MIP: variants seen among roughly 807,000 people sequenced by gnomAD.
MIP encodes lens fiber major intrinsic protein.
A neutral mutation model predicts 21.8 loss-of-function variants in MIP; 14 were observed. The ratio of observed to expected loss-of-function variants is 0.64; its 90% confidence interval spans 0.42 to 1.00. The LOEUF (loss-of-function observed/expected upper bound fraction) is 1.00. Ranked by LOEUF, MIP falls within the 50% of genes least tolerant of loss-of-function variation. MIP has a pLI of 0.00. For missense variants in MIP, 260 were observed against 333.5 expected (o/e 0.78, Z 1.72); for synonymous variants, 133 against 141.4 (o/e 0.94, Z 0.42).
At position 56,453,712 on chromosome 12, in the gene MIP, A is replaced by T; in HGVS notation, c.404T>A (p.Ile135Asn). Residue 135 changes from isoleucine to asparagine, a missense_variant, in exon 2 of 4, where the codon ATC (isoleucine) becomes AAC (asparagine). Coordinates refer to ENST00000652304, the MANE Select transcript of MIP (RefSeq NM_012064.4). Reference sequence around the variant, plus strand: ...GAGCACGAACTGGAGCGTCAGGAAGATCTCCACTGTGGTTGCCTGGCCCAC... The same window carrying T: ...GAGCACGAACTGGAGCGTCAGGAAGTTCTCCACTGTGGTTGCCTGGCCCAC... ...VSVGQATTVE[I>N]FLTLQFVLCI... 1 of 1,614,154 alleles carries T rather than the reference A, an allele frequency of 6.2e-7. No individual in the cohort carries two copies.
chr12:56,455,645 G>A (rs1337493593), upstream of MIP, among the ~76,000 whole-genome samples: 1 of 152,144 alleles, frequency 6.6e-6, no homozygotes, highest in Non-Finnish European at 1.5e-5. Flanking sequence ...GGATAATATG[G>A]GGAAGGAAAG....
upstream of MIP, among the ~76,000 whole-genome samples, chr12:56,455,875 C>T (rs1344041623): frequency 6.6e-6 from 1 of 152,148 alleles, no homozygotes; most frequent in Non-Finnish European, 1.5e-5. Context: ...ATGGGTCCTA[C>T]CCAGTACACC....
intron 3 of MIP, chr12:56,452,864 G>T (rs1458727821): frequency 2.9e-5 from 18 of 612,806 alleles, no homozygotes; most frequent in Non-Finnish European, 4.7e-5. Context: ...ACTAACCAGA[G>T]AAGGAAAAAT....
chr12:56,456,143 G>GC (rs1868784190), upstream of MIP, among the ~76,000 whole-genome samples: 1 of 152,082 alleles, frequency 6.6e-6, no homozygotes, highest in East Asian at 1.9e-4. Context: ...CTGACTTAAG[G>GC]CCCTGTAACC....
chr12:56,453,194 AC>A (rs1565694250), intron 2 of MIP, 42 bp from the exon 3 acceptor site: 3 of 1,406,844 alleles, frequency 2.1e-6, no homozygotes, highest in Admixed American at 3.4e-5. Context: ...CCCCTACTGC[AC>A]CCCAGCTTCT....
chr12:56,454,720 G>A (rs1868743140), upstream of MIP: 2 of 1,423,968 alleles, frequency 1.4e-6, no homozygotes, highest in South Asian at 2.5e-5. Flanking sequence ...GGGGCAGGCT[G>A]AGGTAGCAGG....
chr12:56,451,202 C>G lies in MIP; in HGVS notation c.*78G>C. ...AAGTACATGACCCTCCCCACAGTCT[C>G]TTTCTTCATCTAGGGGCTGGCTAAA... On this transcript the variant is annotated 3_prime_UTR_variant, in exon 4 of 4. Coordinates refer to ENST00000652304, the MANE Select transcript of MIP (RefSeq NM_012064.4). 1 of 1,307,436 alleles carries G rather than the reference C, an allele frequency of 7.6e-7. No homozygotes were observed. Among genetic ancestry groups the G allele is most frequent in the African/African-American group, 1.5e-5 (1 of 68,566 alleles). 81.0% of individuals were successfully genotyped at this position (1,307,436 alleles called of 1,614,324 possible). A position where few individuals can be genotyped will look rare whatever the true frequency, so the allele number is the denominator to read the frequency against.
chr12:56,456,483 G>A (rs949721966), upstream of MIP, among the ~76,000 whole-genome samples: 9 of 151,854 alleles, frequency 5.9e-5, no homozygotes, highest in Non-Finnish European at 1.2e-4. Flanking sequence ...CTAAAAATAC[G>A]AAAAATTAGC....
In MIP at chr12:56,453,638, C is replaced by T. The variant is rs1181032881; in HGVS notation, c.478G>A (p.Val160Met). The T allele has an allele frequency of 6.8e-6, 11 of 1,614,116 alleles. No homozygotes were observed. The highest frequency in any genetic ancestry group is 6.7e-5 in the African/African-American group (5 of 74,950). ...AGGGAGAAGCCAACGGCCAGGGCCA[C>T]GGAGCCCAGTTGGCCATTCCGCCTC... ...DERRNGQLGS[V>M]ALAVGFSLAL... The change falls in exon 2 of 4, where the codon GTG becomes ATG. Residue 160 changes from valine (V) to methionine (M), a missense_variant. Transcript: ENST00000652304.
At chr12:56,453,174 C>A in intron 2 of MIP, 22 bp from the exon 3 acceptor site, 1 of 1,545,274 alleles carries the variant, frequency 6.5e-7, no homozygotes, top group Non-Finnish European at 9.0e-7. Context: ...ACAGTTGTAA[C>A]TGAGACACCC....
At chr12:56,455,930 C>T (rs1004665562), upstream of MIP, among the ~76,000 whole-genome samples, 2 of 152,126 alleles carry the variant, frequency 1.3e-5, no homozygotes, top group African/African-American at 4.8e-5. Flanking sequence ...GTGCTTTCTC[C>T]TCATAATACC....
chr12:56,451,583 C>T (rs549027654), intron 3 of MIP, 118 bp from the exon 4 acceptor site: 3 of 778,608 alleles, frequency 3.9e-6, no homozygotes, highest in Non-Finnish European at 6.5e-6. Context: ...CTACAATAAA[C>T]TCACCATTTA....
chr12:56,451,793 T>C (rs1485224208), intron 3 of MIP, among the ~76,000 whole-genome samples: 2 of 152,146 alleles, frequency 1.3e-5, no homozygotes, highest in East Asian at 1.9e-4. Context: ...TTTGGGAGGC[T>C]GAGACGGGCG....
At position 56,453,083 on chromosome 12, in the gene MIP, T is replaced by C. The variant is rs1338583821; in HGVS notation, c.595A>G (p.Thr199Ala). 1.2e-6 allele frequency: 2 copies of C among 1,611,206 alleles called. No homozygotes were observed. The highest frequency in any genetic ancestry group is 8.5e-7 in the Non-Finnish European group (1 of 1,177,438). ...FAPAILTGNF[T>A]NHWVYWVGPI... ...CTCCCTTCACTCACCCAGTGGTTAGTGAAGTTCCCAGTGAGAATGGCAGGA... is the reference window on the plus strand; with the variant it reads ...CTCCCTTCACTCACCCAGTGGTTAGCGAAGTTCCCAGTGAGAATGGCAGGA... The change falls in exon 3 of 4, where the codon ACT becomes GCT. Residue 199 changes from threonine to alanine, a missense_variant. Thr to Ala is a moderately conservative substitution (Grantham distance 58, BLOSUM62 0). Coordinates refer to ENST00000652304, the MANE Select transcript of MIP (RefSeq NM_012064.4).
rs1178342891 is a variant in MIP, at chr12:56,454,653, C to A, written c.-40G>T. ...TCACAGTGCCTGGGTCCCTGCTACCCCCATGGCCTTGTCTGGGTGGACAGT... is the reference window on the plus strand; with the variant it reads ...TCACAGTGCCTGGGTCCCTGCTACCACCATGGCCTTGTCTGGGTGGACAGT... On this transcript the variant is annotated 5_prime_UTR_variant, in exon 1 of 4. Coordinates refer to ENST00000652304, the MANE Select transcript of MIP (RefSeq NM_012064.4). 6.2e-7 allele frequency: 1 copy of A among 1,612,212 alleles called. No individual in the cohort carries two copies. Among genetic ancestry groups the A allele is most frequent in the Non-Finnish European group, 8.5e-7 (1 of 1,179,700 alleles).
rs1422240655 is a variant in MIP at position 56,449,827 on chromosome 12, A to AAC, written c.*1451_*1452dup. 1 of 152,214 alleles carries AAC rather than the reference A, an allele frequency of 6.6e-6. No homozygotes were observed. The highest frequency in any genetic ancestry group is 1.5e-5 in the Non-Finnish European group (1 of 68,046). 9.4% of individuals were successfully genotyped at this position (152,214 alleles called of 1,614,324 possible). A position where few individuals can be genotyped will look rare whatever the true frequency, so the allele number is the denominator to read the frequency against. ...AGAAAGCAACCGTAAATATTCATTGAACAGTTGAGGGTCTCTTCTGGCCTC... is the reference window on the plus strand; with the variant it reads ...AGAAAGCAACCGTAAATATTCATTGAACACAGTTGAGGGTCTCTTCTGGCCTC... On this transcript the variant is annotated 3_prime_UTR_variant, in exon 4 of 4. Transcript: ENST00000652304.
In MIP at chr12:56,451,360, T is replaced by G; in HGVS notation, c.712A>C (p.Lys238Gln). 6.2e-7 allele frequency: 1 copy of G among 1,614,040 alleles called. No homozygotes were observed. Among genetic ancestry groups the G allele is most frequent in the Non-Finnish European group, 8.5e-7 (1 of 1,180,018 alleles). Residue 238 changes from lysine to glutamine, a missense_variant, in exon 4 of 4, where the codon AAG (lysine) becomes CAG (glutamine). Coordinates refer to ENST00000652304, the MANE Select transcript of MIP (RefSeq NM_012064.4). ...KSISERLSVL[K>Q]GAKPDVSNGQ... ...TTGGAGACATCGGGTTTGGCACCCT[T>G]GAGGACAGACAGTCTCTCAGAAATA... is the stretch of plus-strand genomic sequence containing the variant.
rs267603585 is a variant in MIP, at chr12:56,453,119, G to A, written c.559C>T (p.Arg187Cys). Residue 187 changes from arginine (R) to cysteine (C), a missense_variant, in exon 3 of 4, where the codon CGC becomes TGC. Coordinates refer to ENST00000652304, the MANE Select transcript of MIP (RefSeq NM_012064.4). ...GTGAGAATGGCAGGAGCAAAGGAGC[G>A]GGCAGGATTCATGCCTGCACCAGTA... Reference protein sequence around the residue: ...YYTGAGMNPARSFAPAILTGN... With the variant: ...YYTGAGMNPACSFAPAILTGN... 3 of 1,613,528 alleles carry A rather than the reference G, an allele frequency of 1.9e-6. No individual in the cohort carries two copies. The highest frequency in any genetic ancestry group is 1.3e-5 in the African/African-American group (1 of 74,900).
rs1281267835 is a variant in MIP at position 56,449,731 on chromosome 12, A to G, written c.*1549T>C. ...GTACAGGGAGGAATGGTCTTCTGGGATAGGGGATGTCCGTTGTATTATAGG... is the reference window on the plus strand; with the variant it reads ...GTACAGGGAGGAATGGTCTTCTGGGGTAGGGGATGTCCGTTGTATTATAGG... On this transcript the variant is annotated 3_prime_UTR_variant, in exon 4 of 4. Transcript: ENST00000652304. 1 of 152,168 alleles carries G rather than the reference A, an allele frequency of 6.6e-6. No individual in the cohort carries two copies. Among genetic ancestry groups the G allele is most frequent in the East Asian group, 1.9e-4 (1 of 5,198 alleles). 9.4% of individuals were successfully genotyped at this position (152,168 alleles called of 1,614,324 possible).
Sources: allele counts gnomAD v4.1 joint callset (sites outside exome capture counted in the v4.1 genomes callset), GRCh38; gene constraint gnomAD v4.1.1; transcripts MANE v1.5; gene names NCBI Gene and HGNC (gene_info 2026-07-23, HGNC 2026-07-21).